KRTAP10-9: variants seen among roughly 807,000 people sequenced by gnomAD.
KRTAP10-9 encodes keratin associated protein 10-9, also known as keratin-associated protein 10-9.
KRTAP10-9 carries 1 observed loss-of-function variant against 0.5 expected under a neutral mutation model. The ratio of observed to expected loss-of-function variants is 1.92; its 90% CI spans 0.68 to 9.09. The LOEUF is 9.09. Ranked by LOEUF, KRTAP10-9 falls within the 30% of genes most tolerant of loss-of-function variation. The pLI, the probability that KRTAP10-9 is intolerant of heterozygous loss-of-function variation, is 0.13. For synonymous variants in KRTAP10-9, 199 were observed against 159.8 expected (o/e 1.25, Z -1.85); for missense variants, 391 against 376.4 (o/e 1.04, Z -0.32).
chr21:44,628,099 A>T lies in KRTAP10-9; in HGVS notation c.*49A>T. 6.3e-7 allele frequency: 1 copy of T among 1,577,322 alleles called. No individual in the cohort carries two copies. Among genetic ancestry groups the T allele is most frequent in the African/African-American group, 1.3e-5 (1 of 74,534 alleles). On this transcript the variant is annotated 3_prime_UTR_variant, in exon 1 of 1. Transcript: ENST00000397911. Reference sequence around the variant, plus strand: ...CGGGCTCAGGCCCCACCTCCCTGCCAGTCCTTGGACCTCCCAGCCCACCCA... The same window carrying T: ...CGGGCTCAGGCCCCACCTCCCTGCCTGTCCTTGGACCTCCCAGCCCACCCA...
chr21:44,627,884 T>A lies in KRTAP10-9; in HGVS notation c.713T>A (p.Val238Glu), dbSNP rs781830110. 8.1e-6 allele frequency: 13 copies of A among 1,611,538 alleles called. No individual in the cohort carries two copies. The highest frequency in any genetic ancestry group is 1.1e-5 in the Non-Finnish European group (13 of 1,178,714). ...SSSVSLLCRP[V>E]CRPACCVPVS... ...TCTGTGTCCCTCCTCTGCCGCCCTG[T>A]GTGCAGGCCCGCCTGCTGCGTGCCC... The change falls in exon 1 of 1, where the codon GTG becomes GAG. Residue 238 changes from valine (V) to glutamate (E), a missense_variant. Transcript: ENST00000397911.
At position 44,627,226 on chromosome 21, in the gene KRTAP10-9, G is replaced by A. The variant is rs782002320; in HGVS notation, c.55G>A (p.Val19Met). ...CAGCGCTTACTCCGACTCCTGGCAG[G>A]TGGACGACTGCCCAGAGAGCTGCTG... is the stretch of plus-strand genomic sequence containing the variant. Reference protein sequence around the residue: ...RSSAYSDSWQVDDCPESCCEP... With the variant: ...RSSAYSDSWQMDDCPESCCEP... Residue 19 changes from valine (V) to methionine (M), a missense_variant, in exon 1 of 1, where the codon GTG becomes ATG. Val to Met is a conservative substitution (Grantham distance 21). Transcript: ENST00000397911. 1.9e-6 allele frequency: 3 copies of A among 1,612,744 alleles called. No individual in the cohort carries two copies. In the African/African-American group the frequency reaches 4.0e-5, roughly 22 times the overall value.
In KRTAP10-9 at chr21:44,627,489, G is replaced by A. The variant is rs782025080; in HGVS notation, c.318G>A (p.Lys106=). The change falls in exon 1 of 1, where the codon AAG becomes AAA. Residue 106 remains lysine (K), a synonymous_variant. Transcript: ENST00000397911. The part of the protein sequence containing the change: ...QQACCVPVCC[K]PVCCVPVCCG... ...CCTGCTGCGTGCCCGTCTGCTGCAA[G>A]CCTGTGTGCTGCGTGCCCGTCTGCT... 4 of 1,538,662 alleles carry A rather than the reference G, an allele frequency of 2.6e-6. No homozygotes were observed. The highest frequency in any genetic ancestry group is 3.5e-6 in the Non-Finnish European group (4 of 1,142,266).
Position 44,627,701 on chromosome 21 carries a change from C to G in KRTAP10-9, c.530C>G (p.Pro177Arg). The G allele has an allele frequency of 1.2e-6, 2 of 1,603,438 alleles. No individual in the cohort carries two copies. The highest frequency in any genetic ancestry group is 2.2e-5 in the South Asian group (2 of 89,934). ...SCQPACCTSSPCQQSYCVPVC... is the reference protein window; with the variant it reads ...SCQPACCTSSRCQQSYCVPVC... ...CAGCCAGCTTGCTGCACTTCCTCCC[C>G]CTGCCAGCAGTCCTACTGTGTGCCT... Residue 177 changes from proline (P) to arginine (R), a missense_variant, in exon 1 of 1, where the codon CCC (proline) becomes CGC (arginine). Pro to Arg is a moderately radical substitution (Grantham distance 103). Transcript: ENST00000397911.
Position 44,628,015 on chromosome 21 carries a change from T to C in KRTAP10-9, c.844T>C (p.Tyr282His), listed in dbSNP as rs201074217. Residue 282 changes from tyrosine to histidine, a missense_variant, in exon 1 of 1, where the codon TAC becomes CAC. Physicochemically the swap from Tyr to His is moderately conservative, Grantham distance 83. Transcript: ENST00000397911. ...CCCTGTGTGCTCCCGCCCGGCCTGC[T>C]ACAGCTTCTCCTCAGGCCAGAAGTC... ...CRPVCSRPACYSFSSGQKSSC is the reference protein window; with the variant it reads ...CRPVCSRPACHSFSSGQKSSC 4.1e-5 allele frequency: 66 copies of C among 1,612,970 alleles called. No individual in the cohort carries two copies. The highest frequency in any genetic ancestry group is 5.5e-5 in the Non-Finnish European group (65 of 1,179,412).
rs782293511 is a variant in KRTAP10-9, at chr21:44,627,909, C to T, written c.738C>T (p.Pro246=). ...TGTGCAGGCCCGCCTGCTGCGTGCC[C>T]GTCTCCTCCTGCTGTGCCCCCACCT... ...RPVCRPACCV[P]VSSCCAPTSS... is the part of the protein sequence containing the mutation. The change falls in exon 1 of 1, where the codon CCC becomes CCT. Residue 246 remains proline (P), a synonymous_variant. Transcript: ENST00000397911. The T allele has an allele frequency of 1.2e-5, 18 of 1,521,004 alleles. No individual in the cohort carries two copies. Among genetic ancestry groups the T allele is most frequent in the Admixed American group, 5.8e-5 (3 of 51,902 alleles). 94.2% of individuals were successfully genotyped at this position (1,521,004 alleles called of 1,614,324 possible).
chr21:44,627,587 CCTGCTGTGTGCCCGT>C lies in KRTAP10-9; in HGVS notation c.423_437del (p.Val142_Cys146del). The stretch of plus-strand genomic sequence containing the variant: ...TGTGCCTCTTCCTCCTGCCAGCCGG[CCTGCTGTGTGCCCGT>C]CTGCTGCAAACCTGTGTGCTGTGCG... On this transcript the variant is annotated inframe_deletion, in exon 1 of 1. Coordinates refer to ENST00000397911, the MANE Select transcript of KRTAP10-9 (RefSeq NM_198690.3). The C allele has an allele frequency of 6.2e-7, 1 of 1,613,322 alleles. No homozygotes were observed. Among genetic ancestry groups the C allele is most frequent in the Non-Finnish European group, 8.5e-7 (1 of 1,179,752 alleles).
chr21:44,627,387 C>T lies in KRTAP10-9; in HGVS notation c.216C>T (p.Thr72=). The T allele has an allele frequency of 6.2e-7, 1 of 1,613,962 alleles. No homozygotes were observed. Among genetic ancestry groups the T allele is most frequent in the Non-Finnish European group, 8.5e-7 (1 of 1,179,970 alleles). ...CEPSPCQSGC[T]SSCTPSCCQQ... is the part of the protein sequence containing the mutation. ...CCAGCCCCTGCCAATCAGGCTGCAC[C>T]AGCTCCTGCACGCCCTCGTGCTGCC... Residue 72 remains threonine (T), a synonymous_variant, in exon 1 of 1, where the codon ACC becomes ACT. Transcript: ENST00000397911.
In KRTAP10-9 at chr21:44,627,575, C is replaced by T. The variant is rs782328848; in HGVS notation, c.404C>T (p.Ser135Phe). ...CAGCCAGCTTGCTGTGCCTCTTCCTCCTGCCAGCCGGCCTGCTGTGTGCCC... is the reference window on the plus strand; with the variant it reads ...CAGCCAGCTTGCTGTGCCTCTTCCTTCTGCCAGCCGGCCTGCTGTGTGCCC... ...SYQPACCASS[S>F]CQPACCVPVC... The change falls in exon 1 of 1, where the codon TCC becomes TTC. Residue 135 changes from serine (S) to phenylalanine (F), a missense_variant. Transcript: ENST00000397911. 20 of 1,613,368 alleles carry T rather than the reference C, an allele frequency of 1.2e-5. No individual in the cohort carries two copies. Among genetic ancestry groups the T allele is most frequent in the African/African-American group, 5.4e-5 (4 of 74,618 alleles).
In KRTAP10-9 at chr21:44,628,077, G is replaced by T; in HGVS notation, c.*27G>T. The T allele has an allele frequency of 1.3e-6, 2 of 1,593,518 alleles. No homozygotes were observed. The highest frequency in any genetic ancestry group is 1.3e-5 in the African/African-American group (1 of 74,788). ...GGTCATGTCCCCCAGGGCCAGCCGG[G>T]CTCAGGCCCCACCTCCCTGCCAGTC... On this transcript the variant is annotated 3_prime_UTR_variant, in exon 1 of 1. Coordinates refer to ENST00000397911, the MANE Select transcript of KRTAP10-9 (RefSeq NM_198690.3).
In KRTAP10-9 at chr21:44,627,183, C is replaced by T. The variant is rs781927344; in HGVS notation, c.12C>T (p.Ser4=). The T allele has an allele frequency of 3.1e-6, 5 of 1,612,784 alleles. No homozygotes were observed. The highest frequency in any genetic ancestry group is 4.2e-6 in the Non-Finnish European group (5 of 1,179,832). ...CTCCCCACCCCAGCATGGCCGCGTCCACCATGTCCATCCGCTCCAGCGCTT... is the reference window on the plus strand; with the variant it reads ...CTCCCCACCCCAGCATGGCCGCGTCTACCATGTCCATCCGCTCCAGCGCTT... MAA[S]TMSIRSSAYS... is the part of the protein sequence containing the mutation. Residue 4 remains serine (S), a synonymous_variant, in exon 1 of 1, where the codon TCC becomes TCT. Transcript: ENST00000397911.
rs1555934684 is a variant in KRTAP10-9, at chr21:44,627,500, G to A, written c.329G>A (p.Cys110Tyr). ...CCCGTCTGCTGCAAGCCTGTGTGCT[G>A]CGTGCCCGTCTGCTGTGGGGCTTCT... ...CVPVCCKPVC[C>Y]VPVCCGASSC... is the part of the protein sequence containing the mutation. The change falls in exon 1 of 1, where the codon TGC becomes TAC. Residue 110 changes from cysteine (C) to tyrosine (Y), a missense_variant. Cys to Tyr is a radical substitution (Grantham distance 194, BLOSUM62 -2). Transcript: ENST00000397911. 1 of 1,536,904 alleles carries A rather than the reference G, an allele frequency of 6.5e-7. No homozygotes were observed. Among genetic ancestry groups the A allele is most frequent in the South Asian group, 1.2e-5 (1 of 80,160 alleles).
At position 44,627,322 on chromosome 21, in the gene KRTAP10-9, A is replaced by T. The variant is rs782759663; in HGVS notation, c.151A>T (p.Ser51Cys). The change falls in exon 1 of 1, where the codon AGC becomes TGC. Residue 51 changes from serine to cysteine, a missense_variant. By Grantham distance (112) the Ser-to-Cys change is moderately radical. Transcript: ENST00000397911. ...PCLTLVCTPV[S>C]RVSSPCCQVT... ...CCTGACCCTGGTCTGCACCCCAGTG[A>T]GCCGTGTATCCAGCCCCTGCTGCCA... 8.1e-6 allele frequency: 13 copies of T among 1,612,960 alleles called. No homozygotes were observed. In the East Asian group the frequency reaches 2.7e-4, roughly 33 times the overall value.
rs1982842826 is a variant in KRTAP10-9 at position 44,627,104 on chromosome 21, A to C, written c.-68A>C. 1 of 1,572,342 alleles carries C rather than the reference A, an allele frequency of 6.4e-7. No homozygotes were observed. On this transcript the variant is annotated 5_prime_UTR_variant, in exon 1 of 1. Transcript: ENST00000397911. ...GCCCCAAGAACCTCACACACTCACA[A>C]ACTCACTCACTGACACACTCACACA...
rs1555934782 is a variant in KRTAP10-9 at position 44,627,701 on chromosome 21, C to T, written c.530C>T (p.Pro177Leu). Reference protein sequence around the residue: ...SCQPACCTSSPCQQSYCVPVC... With the variant: ...SCQPACCTSSLCQQSYCVPVC... ...CAGCCAGCTTGCTGCACTTCCTCCC[C>T]CTGCCAGCAGTCCTACTGTGTGCCT... Residue 177 changes from proline to leucine, a missense_variant, in exon 1 of 1, where the codon CCC (proline) becomes CTC (leucine). Coordinates refer to ENST00000397911, the MANE Select transcript of KRTAP10-9 (RefSeq NM_198690.3). The T allele has an allele frequency of 6.2e-7, 1 of 1,603,438 alleles. No homozygotes were observed.
chr21:44,627,738 G>A lies in KRTAP10-9; in HGVS notation c.567G>A (p.Lys189=), dbSNP rs782749525. 5.0e-6 allele frequency: 8 copies of A among 1,594,912 alleles called. No individual in the cohort carries two copies. The highest frequency in any genetic ancestry group is 2.7e-5 in the African/African-American group (2 of 74,472). ...CCTACTGTGTGCCTGTCTGCTGTAA[G>A]CCTGTCTGCTGCAAACCCATCTGCT... ...QQSYCVPVCC[K]PVCCKPICCV... is the part of the protein sequence containing the mutation. The change falls in exon 1 of 1, where the codon AAG becomes AAA. Residue 189 remains lysine (K), a synonymous_variant. Coordinates refer to ENST00000397911, the MANE Select transcript of KRTAP10-9 (RefSeq NM_198690.3).
chr21:44,627,166 C>T lies in KRTAP10-9; in HGVS notation c.-6C>T, dbSNP rs782175404. ...CTCCCCCAGCTCACCTCCTCCCCACCCCAGCATGGCCGCGTCCACCATGTC... is the reference window on the plus strand; with the variant it reads ...CTCCCCCAGCTCACCTCCTCCCCACTCCAGCATGGCCGCGTCCACCATGTC... On this transcript the variant is annotated 5_prime_UTR_variant, in exon 1 of 1. Coordinates refer to ENST00000397911, the MANE Select transcript of KRTAP10-9 (RefSeq NM_198690.3). 101 of 1,610,752 alleles carry T rather than the reference C, an allele frequency of 6.3e-5. No individual in the cohort carries two copies. The highest frequency in any genetic ancestry group is 1.2e-4 in the Admixed American group (7 of 59,924).
At position 44,628,007 on chromosome 21, in the gene KRTAP10-9, C is replaced by T. The variant is rs1420837019; in HGVS notation, c.836C>T (p.Pro279Leu). 5 of 1,611,054 alleles carry T rather than the reference C, an allele frequency of 3.1e-6. No homozygotes were observed. The highest frequency in any genetic ancestry group is 1.1e-5 in the South Asian group (1 of 90,764). Residue 279 changes from proline (P) to leucine (L), a missense_variant, in exon 1 of 1, where the codon CCG (proline) becomes CTG (leucine). Coordinates refer to ENST00000397911, the MANE Select transcript of KRTAP10-9 (RefSeq NM_198690.3). ...CTCTGCCGCCCTGTGTGCTCCCGCC[C>T]GGCCTGCTACAGCTTCTCCTCAGGC... ...SLLCRPVCSR[P>L]ACYSFSSGQK...
chr21:44,627,144 C>T lies in KRTAP10-9; in HGVS notation c.-28C>T. Reference sequence around the variant, plus strand: ...ACACTCACACACTCACTTACACCTCCCCCAGCTCACCTCCTCCCCACCCCA... The same window carrying T: ...ACACTCACACACTCACTTACACCTCTCCCAGCTCACCTCCTCCCCACCCCA... On this transcript the variant is annotated 5_prime_UTR_variant, in exon 1 of 1. Coordinates refer to ENST00000397911, the MANE Select transcript of KRTAP10-9 (RefSeq NM_198690.3). The T allele has an allele frequency of 1.2e-6, 2 of 1,602,350 alleles. No individual in the cohort carries two copies. The highest frequency in any genetic ancestry group is 1.7e-6 in the Non-Finnish European group (2 of 1,174,304).
Sources: gnomAD v4.1 joint callset for allele counts on GRCh38, gnomAD v4.1.1 for gene constraint, MANE v1.5 for transcripts, NCBI Gene and HGNC (gene_info 2026-07-23, HGNC 2026-07-21) for gene names.